Variants in PRIM1 observed in about 807,000 individuals in gnomAD.
The protein encoded by PRIM1 is DNA primase small subunit.
PRIM1 carries 38 observed loss-of-function variants against 60.2 expected under a neutral mutation model. That is an observed-to-expected ratio of 0.63 (90% CI 0.49 to 0.83). The LOEUF (loss-of-function observed/expected upper bound fraction) is 0.83. Ranked by LOEUF, PRIM1 falls within the 40% of genes least tolerant of loss-of-function variation. The pLI, the probability that PRIM1 is intolerant of heterozygous loss-of-function variation, is 0.00. For synonymous variants in PRIM1, 158 were observed against 160.2 expected, an observed-to-expected ratio of 0.99 and a Z score of 0.10; for missense variants, 388 against 506.2, an observed-to-expected ratio of 0.77 and a Z score of 2.24.
chr12:56,740,427 C>T (rs1485010157), intron 9 of PRIM1, among the ~76,000 whole-genome samples: 1 of 152,030 alleles, frequency 6.6e-6, no homozygotes, highest in Admixed American at 6.6e-5. Context: ...AATAGAAATT[C>T]CTCTACTCTT....
intron 5 of PRIM1, 100 bp downstream of exon 5, chr12:56,745,945 A>T: frequency 1.5e-6 from 2 of 1,313,292 alleles, no homozygotes; most frequent in Non-Finnish European, 2.0e-6. Flanking sequence ...TCTCAAAAAA[A>T]AAAAAAAAAG....
At chr12:56,736,298 T>TTAAAA (rs1555228525) in intron 11 of PRIM1, among the ~76,000 whole-genome samples, 1 of 24,316 alleles carries the variant, frequency 4.1e-5, no homozygotes, top group Admixed American at 8.0e-4. Flanking sequence ...ACTCTTTCTC[T>TTAAAA]AAAAAAAAAA....
Position 56,741,451 on chromosome 12 carries a change from A to G in PRIM1, c.966T>C (p.Ser322=), listed in dbSNP as rs375780109. 11 of 1,612,574 alleles carry G rather than the reference A, an allele frequency of 6.8e-6. No individual in the cohort carries two copies. In the African/African-American group the frequency reaches 9.4e-5, roughly 14 times the overall value. The change falls in exon 9 of 13, where the codon AGT becomes AGC. Residue 322 remains serine (S), a synonymous_variant. Transcript: ENST00000338193. ...GTGTAGTACCTGTTTTAGGATGAAC[A>G]CTAAAAGGGCTCTTCAGTAGATGAT... ...GINHLLKSPF[S]VHPKTGRISV...
At chr12:56,736,324 A>AAAAAAAAAAAAAAAAAAAAAC in intron 11 of PRIM1, among the ~76,000 whole-genome samples, 1 of 149,708 alleles carries the variant, frequency 6.7e-6, no homozygotes, top group Non-Finnish European at 1.5e-5. Context: ...AAAAAAAAAA[A>AAAAAAAAAAAAAAAAAAAAAC]AAAGAATATA....
intron 1 of PRIM1, chr12:56,751,925 T>C (rs1465156912): frequency 4.9e-6 from 1 of 205,594 alleles, no homozygotes. Flanking sequence ...ACGGGGCACC[T>C]AATGTGAGCC....
intron 11 of PRIM1, among the ~76,000 whole-genome samples, 187 bp downstream of exon 11, chr12:56,738,247 T>C (rs574422338): frequency 1.1e-3 from 160 of 152,348 alleles, no homozygotes; most frequent in Non-Finnish European, 1.7e-3. Context: ...GAAATATGTG[T>C]TGAATCAGAC....
Position 56,742,975 on chromosome 12 carries a change from G to T in PRIM1, c.748+12C>A. 1 of 1,504,012 alleles carries T rather than the reference G, an allele frequency of 6.6e-7. No individual in the cohort carries two copies. Among genetic ancestry groups the T allele is most frequent in the African/African-American group, 1.4e-5 (1 of 70,554 alleles). The allele number at this position is 1,504,012 out of a possible 1,614,324, so 93.2% of individuals were successfully genotyped here. On this transcript the variant is annotated intron_variant, in intron 7 of 12. Coordinates refer to ENST00000338193, the MANE Select transcript of PRIM1 (RefSeq NM_000946.3). Reference sequence around the variant, plus strand: ...AACTAGCTCACACAGAAATGATCACGGGAAAGGATATTTTCAGGAACAAGG... The same window carrying T: ...AACTAGCTCACACAGAAATGATCACTGGAAAGGATATTTTCAGGAACAAGG...
chr12:56,743,113 A>T lies in PRIM1; in HGVS notation c.639-17T>A. On this transcript the variant is annotated splice_polypyrimidine_tract_variant and intron_variant, in intron 6 of 12. Coordinates refer to ENST00000338193, the MANE Select transcript of PRIM1 (RefSeq NM_000946.3). ...ATAGATTTTCTGTAAGAACAACAAT[A>T]ACAACAGAGTCCCAACACTATCAGT... 3 of 1,513,708 alleles carry T rather than the reference A, an allele frequency of 2.0e-6. 1 individual carries two copies. The South Asian group carries it at 3.9e-5, about 20-fold the overall frequency. The allele number at this position is 1,513,708 out of a possible 1,614,324, so 93.8% of individuals were successfully genotyped here. A position where few individuals can be genotyped will look rare whatever the true frequency, so the allele number is the denominator to read the frequency against.
intron 7 of PRIM1, among the ~76,000 whole-genome samples, chr12:56,742,637 T>C (rs985434919): frequency 9.2e-5 from 14 of 152,180 alleles, no homozygotes; most frequent in Admixed American, 9.2e-4. Flanking sequence ...ATTGAAATCT[T>C]CCCCTGTAAA....
chr12:56,735,366 G>A (rs374560044), intron 11 of PRIM1, among the ~76,000 whole-genome samples: 103 of 152,140 alleles, frequency 6.8e-4, no homozygotes, highest in Middle Eastern at 3.4e-3. Flanking sequence ...CCAAAGTGCT[G>A]GGATTACAGG....
Position 56,742,996 on chromosome 12 carries a change from C to T in PRIM1, c.739G>A (p.Val247Ile), listed in dbSNP as rs368113893. 1 of 1,537,854 alleles carries T rather than the reference C, an allele frequency of 6.5e-7. No individual in the cohort carries two copies. The highest frequency in any genetic ancestry group is 8.7e-7 in the Non-Finnish European group (1 of 1,144,538). ...TCACGGGAAAGGATATTTTCAGGAACAAGGGCTAAAATCTTATCCCAGCTT... is the reference window on the plus strand; with the variant it reads ...TCACGGGAAAGGATATTTTCAGGAATAAGGGCTAAAATCTTATCCCAGCTT... ...KESWDKILAL[V>I]PETIHDELQQ... is the part of the protein sequence containing the mutation. The change falls in exon 7 of 13, where the codon GTT becomes ATT. Residue 247 changes from valine (V) to isoleucine (I), a missense_variant. Physicochemically the swap from Val to Ile is conservative, Grantham distance 29 (BLOSUM62 3). Around this residue, in one of 3 missense-constraint regions of PRIM1, gnomAD observed 211 missense variants for 277.9 expected, o/e 0.76. Coordinates refer to ENST00000338193, the MANE Select transcript of PRIM1 (RefSeq NM_000946.3).
chr12:56,740,764 A>T (rs7350591), intron 9 of PRIM1, among the ~76,000 whole-genome samples: 67 of 151,690 alleles, frequency 4.4e-4, no homozygotes, highest in South Asian at 8.4e-4. Flanking sequence ...CTCGAAAAAA[A>T]TTTTTTTTTG....
Position 56,742,970 on chromosome 12 carries a change from A to G in PRIM1, c.748+17T>C. On this transcript the variant is annotated intron_variant, in intron 7 of 12. Coordinates refer to ENST00000338193, the MANE Select transcript of PRIM1 (RefSeq NM_000946.3). ...AAAACAACTAGCTCACACAGAAATG[A>G]TCACGGGAAAGGATATTTTCAGGAA... 1 of 1,497,742 alleles carries G rather than the reference A, an allele frequency of 6.7e-7. No individual in the cohort carries two copies. Among genetic ancestry groups the G allele is most frequent in the South Asian group, 1.3e-5 (1 of 76,218 alleles). The allele number at this position is 1,497,742 out of a possible 1,614,324, so 92.8% of individuals were successfully genotyped here. A position where few individuals can be genotyped will look rare whatever the true frequency, so the allele number is the denominator to read the frequency against.
At chr12:56,750,798 T>C (rs1469843933) in intron 2 of PRIM1, among the ~76,000 whole-genome samples, 1 of 152,156 alleles carries the variant, frequency 6.6e-6, no homozygotes, top group African/African-American at 2.4e-5. Flanking sequence ...CTCTTCCTAG[T>C]AGCTAGATAC....
intron 12 of PRIM1, 69 bp from the exon 13 acceptor site, chr12:56,731,803 T>C: frequency 1.5e-6 from 2 of 1,296,246 alleles, no homozygotes; most frequent in East Asian, 5.2e-5. Flanking sequence ...TACTTTTACA[T>C]TCTTTTTTGC....
chr12:56,734,675 C>A (rs1257210955), intron 11 of PRIM1, among the ~76,000 whole-genome samples: 1 of 150,806 alleles, frequency 6.6e-6, no homozygotes, highest in African/African-American at 2.4e-5. Flanking sequence ...TCTGAAAGTG[C>A]TGGGATTACA....
At position 56,750,370 on chromosome 12, in the gene PRIM1, A is replaced by G. The variant is rs183615709; in HGVS notation, c.261+668T>C. On this transcript the variant is annotated intron_variant, in intron 2 of 12. Coordinates refer to ENST00000338193, the MANE Select transcript of PRIM1 (RefSeq NM_000946.3). ...ATGGTAGAGCCAAAGGGATTTCCTA[A>G]TAGAATGGGTATGGGAATGTGAGAA... 5.8e-4 allele frequency among the ~76,000 whole-genome samples: 88 copies of G among 151,738 alleles called. No individual in the cohort carries two copies. In the East Asian group the frequency reaches 0.01, roughly 17 times the overall value.
At chr12:56,751,958 G>C (rs1953968632) in intron 1 of PRIM1, 1 of 244,254 alleles carries the variant, frequency 4.1e-6, no homozygotes, top group African/African-American at 2.4e-5. Context: ...GGTAGGAGCG[G>C]CGGCTCTGTT....
intron 2 of PRIM1, among the ~76,000 whole-genome samples, chr12:56,749,077 T>G (rs1443900138): frequency 6.6e-6 from 1 of 152,090 alleles, no homozygotes; most frequent in Non-Finnish European, 1.5e-5. Flanking sequence ...GGCGTGATCT[T>G]GACCCACTGC....
Sources: allele counts gnomAD v4.1 joint callset (sites outside exome capture counted in the v4.1 genomes callset), GRCh38; gene constraint gnomAD v4.1.1; regional missense constraint gnomAD v4.1.1; transcripts MANE v1.5; gene names NCBI Gene and HGNC (gene_info 2026-07-23, HGNC 2026-07-21).